The following LRBA variants were observed in gnomAD, a reference collection of about 807,000 sequenced individuals.
The protein encoded by LRBA is lipopolysaccharide-responsive and beige-like anchor protein.
In LRBA, 176 loss-of-function variants were observed where a neutral mutation model predicts 330.0. The observed-to-expected ratio is 0.53, with a 90% CI of 0.47 to 0.60. The LOEUF is 0.60. Among genes scored for constraint, LRBA ranks in the 20% least tolerant of loss-of-function variants. LRBA has a pLI of 0.00. For missense variants in LRBA, 3,259 were observed against 3,444.8 expected, an observed-to-expected ratio of 0.95 and a Z score of 1.35; for synonymous variants, 1,230 against 1,193.0, an observed-to-expected ratio of 1.03 and a Z score of -0.64.
chr4:150,556,039 G>A (rs2152258404), intron 40 of LRBA, among the ~76,000 whole-genome samples: 1 of 152,152 alleles, frequency 6.6e-6, no homozygotes, highest in Non-Finnish European at 1.5e-5. Context: ...TTGGGTTCAA[G>A]AGATCCTCAT....
chr4:150,897,428 C>T (rs778419301), intron 15 of LRBA, among the ~76,000 whole-genome samples: 1 of 151,920 alleles, frequency 6.6e-6, no homozygotes, highest in Non-Finnish European at 1.5e-5. Flanking sequence ...AAAAATGAAA[C>T]CTCCTTCAGG....
chr4:150,985,414 A>G (rs902504116), intron 2 of LRBA, among the ~76,000 whole-genome samples: 3 of 151,812 alleles, frequency 2.0e-5, no homozygotes, highest in African/African-American at 7.2e-5. Context: ...TGTACTGTAA[A>G]GTTTTTGTAT....
intron 4 of LRBA, among the ~76,000 whole-genome samples, chr4:150,923,483 CTG>C (rs1333303107): frequency 8.5e-5 from 13 of 152,184 alleles, no homozygotes; most frequent in Admixed American, 1.3e-4. Context: ...TTCCTTGAAA[CTG>C]AGAGTGGATT....
chr4:150,910,299 T>C lies in LRBA; in HGVS notation c.1162-1442A>G, dbSNP rs146030605. Among the ~76,000 whole-genome samples the C allele has an allele frequency of 1.9e-3, 292 of 152,324 alleles. 1 individual carries two copies. Among genetic ancestry groups the C allele is most frequent in the African/African-American group, 6.8e-3 (284 of 41,588 alleles). On this transcript the variant is annotated intron_variant, in intron 9 of 56. Coordinates refer to ENST00000651943, the MANE Select transcript of LRBA (RefSeq NM_001364905.1). ...GTTTTATAGTTTTACATCTTACTTTTAGGTCTTTAATCCATTTTCAGCTCA... is the reference window on the plus strand; with the variant it reads ...GTTTTATAGTTTTACATCTTACTTTCAGGTCTTTAATCCATTTTCAGCTCA...
At position 150,617,912 on chromosome 4, in the gene LRBA, A is replaced by G. The variant is rs371125084; in HGVS notation, c.5922-18781T>C. ...GCTTGAGCCCAGGAGTTCAACACCA[A>G]CCTGGGCAACATGGTGAAACCCCAT... is the stretch of plus-strand genomic sequence containing the variant. On this transcript the variant is annotated intron_variant, in intron 37 of 56. Transcript: ENST00000651943. Among the ~76,000 whole-genome samples, 9 of 151,994 alleles carry G rather than the reference A, an allele frequency of 5.9e-5. 1 individual carries two copies. The highest frequency in any genetic ancestry group is 1.2e-4 in the African/African-American group (5 of 41,394).
chr4:150,708,654 C>T (rs1785874494), intron 36 of LRBA, among the ~76,000 whole-genome samples: 1 of 151,646 alleles, frequency 6.6e-6, no homozygotes, highest in Non-Finnish European at 1.5e-5. Flanking sequence ...TATAGTAAAA[C>T]ATGTTTTATA....
At chr4:150,375,316 A>G (rs1179426873) in intron 47 of LRBA, among the ~76,000 whole-genome samples, 1 of 152,184 alleles carries the variant, frequency 6.6e-6, no homozygotes. Context: ...GTTGTGGGTA[A>G]TGACCTGGGG....
chr4:150,685,099 C>T (rs1308514515), intron 36 of LRBA, among the ~76,000 whole-genome samples: 1 of 151,770 alleles, frequency 6.6e-6, no homozygotes, highest in East Asian at 1.9e-4. Flanking sequence ...ATTGGAAGCT[C>T]TCTGTACCAT....
intron 56 of LRBA, among the ~76,000 whole-genome samples, chr4:150,266,356 A>C (rs923994481): frequency 6.6e-6 from 1 of 152,222 alleles, no homozygotes; most frequent in Non-Finnish European, 1.5e-5. Flanking sequence ...TATGTCCATC[A>C]TGCTCTGGGT....
At chr4:150,504,690 G>A (rs1220108880) in intron 40 of LRBA, among the ~76,000 whole-genome samples, 1 of 152,122 alleles carries the variant, frequency 6.6e-6, no homozygotes, top group East Asian at 1.9e-4. Context: ...ATCAACTAAC[G>A]AGCAAAATAG....
chr4:150,795,350 G>A lies in LRBA; in HGVS notation c.5580+2731C>T, dbSNP rs183554144. 7.3e-3 allele frequency among the ~76,000 whole-genome samples: 1,103 copies of A among 152,114 alleles called. 7 individuals carry two copies. The highest frequency in any genetic ancestry group is 0.014 in the Middle Eastern group (4 of 294). On this transcript the variant is annotated intron_variant, in intron 34 of 56. Transcript: ENST00000651943. Reference sequence around the variant, plus strand: ...GCACACAAGTAAGTTGCATGTTTGTGAAAAACCACCTGAAACACAGTTGAG... The same window carrying A: ...GCACACAAGTAAGTTGCATGTTTGTAAAAAACCACCTGAAACACAGTTGAG...
chr4:150,497,378 G>A (rs1214899684), intron 40 of LRBA, among the ~76,000 whole-genome samples: 3 of 152,030 alleles, frequency 2.0e-5, no homozygotes, highest in African/African-American at 7.2e-5. Context: ...ACACACAGTC[G>A]ACTCTGGTGG....
At chr4:150,387,105 A>AT (rs139428373) in intron 47 of LRBA, among the ~76,000 whole-genome samples, 34,437 of 149,396 alleles carry the variant, frequency 0.23, 4,642 homozygotes, top group Non-Finnish European at 0.32. Flanking sequence ...CCACTTTTTA[A>AT]TTTTTTTTTT....
At chr4:150,266,174 A>AGACTC (rs1397110062) in intron 56 of LRBA, among the ~76,000 whole-genome samples, 9 of 152,362 alleles carry the variant, frequency 5.9e-5, no homozygotes, top group East Asian at 1.9e-4. Context: ...TATAAGCAAC[A>AGACTC]GACTCAAAAG....
At chr4:150,550,614 T>C (rs1338189168) in intron 40 of LRBA, among the ~76,000 whole-genome samples, 1 of 152,232 alleles carries the variant, frequency 6.6e-6, no homozygotes, top group Non-Finnish European at 1.5e-5. Flanking sequence ...CATCACATTC[T>C]ATCTGCACTT....
At chr4:150,801,942 G>A (rs1472720548) in intron 33 of LRBA, among the ~76,000 whole-genome samples, 8 of 151,608 alleles carry the variant, frequency 5.3e-5, no homozygotes, top group Admixed American at 4.6e-4. Context: ...AGGCCAAGGC[G>A]GGTGGATCAC....
intron 42 of LRBA, among the ~76,000 whole-genome samples, chr4:150,475,534 C>T (rs1018365848): frequency 2.5e-4 from 38 of 151,750 alleles, no homozygotes; most frequent in Non-Finnish European, 5.9e-5. Context: ...AGAATTTGTC[C>T]GTATCATTTA....
intron 40 of LRBA, among the ~76,000 whole-genome samples, chr4:150,565,274 A>C (rs116277717): frequency 6.6e-6 from 1 of 152,176 alleles, no homozygotes. Context: ...GTTCTCACTA[A>C]TAAGTGGGAA....
chr4:150,964,450 A>T (rs992702953), intron 2 of LRBA, among the ~76,000 whole-genome samples: 2 of 149,804 alleles, frequency 1.3e-5, no homozygotes, highest in South Asian at 4.1e-4. Context: ...AGAAGTAGAC[A>T]TAGGAGACTC....
Sources: allele counts gnomAD v4.1 joint callset (sites outside exome capture counted in the v4.1 genomes callset), GRCh38; gene constraint gnomAD v4.1.1; transcripts MANE v1.5; gene names NCBI Gene and HGNC (gene_info 2026-07-23, HGNC 2026-07-21).